The following KIAA1217 variants were observed in gnomAD, a reference collection of about 807,000 sequenced individuals.
The protein encoded by KIAA1217 is sickle tail protein homolog.
KIAA1217 carries 88 observed loss-of-function variants against 163.9 expected under a neutral mutation model. The ratio of observed to expected loss-of-function variants is 0.54; its 90% CI spans 0.45 to 0.64. The LOEUF (loss-of-function observed/expected upper bound fraction) is 0.64. Among genes scored for constraint, KIAA1217 ranks in the 30% least tolerant of loss-of-function variants. The probability of loss-of-function intolerance (pLI) is 0.00; values close to 1 mark genes in which losing one functional copy is unlikely to be tolerated. For synonymous variants in KIAA1217, 903 were observed against 923.1 expected, an observed-to-expected ratio of 0.98 and a Z score of 0.39; for missense variants, 2,372 against 2,475.0, an observed-to-expected ratio of 0.96 and a Z score of 0.88.
intron 1 of KIAA1217, among the ~76,000 whole-genome samples, chr10:24,216,631 A>G (rs575611191): frequency 2.6e-5 from 4 of 152,092 alleles, no homozygotes; most frequent in East Asian, 1.9e-4. Context: ...GTTCGAGACC[A>G]GCCTGGCCAA....
chr10:23,887,982 C>T (rs559150742), intron 1 of KIAA1217, among the ~76,000 whole-genome samples: 3 of 151,944 alleles, frequency 2.0e-5, no homozygotes, highest in Admixed American at 2.0e-4. Context: ...AATTTTGATA[C>T]ATTACTTAGG....
At chr10:23,760,224 C>T (rs997826560) in intron 1 of KIAA1217, among the ~76,000 whole-genome samples, 4 of 151,648 alleles carry the variant, frequency 2.6e-5, no homozygotes, top group African/African-American at 7.3e-5. Context: ...GTTTGCTCCT[C>T]ATGGATCGGG....
intron 2 of KIAA1217, among the ~76,000 whole-genome samples, chr10:24,328,069 T>G (rs1300749027): frequency 6.6e-6 from 1 of 152,170 alleles, no homozygotes; most frequent in Non-Finnish European, 1.5e-5. Flanking sequence ...GAAACTCTTA[T>G]GAAACACCAG....
intron 3 of KIAA1217, among the ~76,000 whole-genome samples, chr10:24,402,840 G>A (rs2056742975): frequency 6.6e-6 from 1 of 152,052 alleles, no homozygotes; most frequent in Admixed American, 6.5e-5. Flanking sequence ...ATCCTCTGAA[G>A]GAGATCCAGT....
intron 5 of KIAA1217, among the ~76,000 whole-genome samples, chr10:24,454,233 A>T (rs1183526204): frequency 6.6e-6 from 1 of 152,242 alleles, no homozygotes; most frequent in East Asian, 1.9e-4. Flanking sequence ...AGGTCTCTCC[A>T]GATAAAAGGT....
At chr10:24,048,968 T>G (rs1589297585) in intron 2 of KIAA1217, among the ~76,000 whole-genome samples, 1 of 145,080 alleles carries the variant, frequency 6.9e-6, no homozygotes, top group African/African-American at 2.6e-5. Context: ...GAGGCGGAGG[T>G]TGCAGTGAGC....
At chr10:24,129,924 G>A (rs2063592456) in intron 2 of KIAA1217, among the ~76,000 whole-genome samples, 1 of 151,966 alleles carries the variant, frequency 6.6e-6, no homozygotes, top group Non-Finnish European at 1.5e-5. Context: ...CATGATCATA[G>A]GCTGCATGTG....
At chr10:24,033,721 A>C (rs998539441) in intron 2 of KIAA1217, among the ~76,000 whole-genome samples, 1 of 151,646 alleles carries the variant, frequency 6.6e-6, no homozygotes, top group Non-Finnish European at 1.5e-5. Context: ...CTATGCATAC[A>C]TGGTTTTAAC....
intron 3 of KIAA1217, among the ~76,000 whole-genome samples, chr10:24,404,459 C>T (rs1022946531): frequency 1.2e-4 from 18 of 147,646 alleles, no homozygotes; most frequent in African/African-American, 3.8e-4. Flanking sequence ...CCCAGCTACT[C>T]GGGAGGCTGA....
chr10:24,545,572 G>C, intron 20 of KIAA1217: 1 of 1,360,368 alleles, frequency 7.4e-7, no homozygotes, highest in Non-Finnish European at 9.4e-7. Context: ...ACAGGAAATG[G>C]TAGAGCTGGA....
chr10:24,096,888 T>C (rs2131703407), intron 2 of KIAA1217, among the ~76,000 whole-genome samples: 1 of 152,356 alleles, frequency 6.6e-6, no homozygotes, highest in East Asian at 1.9e-4. Context: ...GCTTATTCAT[T>C]GCTTTCTAGA....
chr10:24,186,591 T>G (rs918470595), intron 2 of KIAA1217, among the ~76,000 whole-genome samples: 1 of 152,178 alleles, frequency 6.6e-6, no homozygotes, highest in Non-Finnish European at 1.5e-5. Flanking sequence ...GTATCTCCCA[T>G]CTATACATTT....
chr10:24,391,522 T>A (rs971998279), intron 3 of KIAA1217, among the ~76,000 whole-genome samples: 2 of 152,066 alleles, frequency 1.3e-5, no homozygotes, highest in African/African-American at 4.8e-5. Flanking sequence ...TTTTTGTATT[T>A]TTAATAAAGA....
At chr10:24,050,708 C>T (rs1849440680) in intron 2 of KIAA1217, among the ~76,000 whole-genome samples, 1 of 152,008 alleles carries the variant, frequency 6.6e-6, no homozygotes, top group African/African-American at 2.4e-5. Flanking sequence ...TTACTGTAGC[C>T]TTGTAGTATA....
intron 1 of KIAA1217, among the ~76,000 whole-genome samples, chr10:23,807,952 T>A (rs1836820091): frequency 6.6e-6 from 1 of 152,210 alleles, no homozygotes; most frequent in African/African-American, 2.4e-5. Context: ...TAGAAAGGGC[T>A]GCCTTGTCAA....
intron 1 of KIAA1217, among the ~76,000 whole-genome samples, chr10:23,917,456 G>A (rs1029203321): frequency 2.0e-5 from 3 of 152,216 alleles, no homozygotes; most frequent in Admixed American, 6.5e-5. Flanking sequence ...CTTGTGAAAA[G>A]AGGGCAGTGG....
chr10:24,506,697 A>T (rs1014047543), intron 9 of KIAA1217, among the ~76,000 whole-genome samples: 1 of 152,228 alleles, frequency 6.6e-6, no homozygotes, highest in South Asian at 2.1e-4. Flanking sequence ...AATGGGGGGA[A>T]AAAACCTACA....
intron 2 of KIAA1217, among the ~76,000 whole-genome samples, chr10:24,228,534 T>C (rs967912112): frequency 3.9e-5 from 6 of 152,168 alleles, no homozygotes; most frequent in Non-Finnish European, 8.8e-5. Flanking sequence ...GACTTAGGAA[T>C]TCTGGCTACT....
chr10:23,999,005 T>C (rs1300647399), intron 1 of KIAA1217, among the ~76,000 whole-genome samples: 1 of 152,070 alleles, frequency 6.6e-6, no homozygotes, highest in Admixed American at 6.6e-5. Flanking sequence ...ATCTCTATCA[T>C]TGGGATCGCT....
Sources: gnomAD v4.1 joint callset for allele counts (sites outside exome capture counted in the v4.1 genomes callset) on GRCh38, gnomAD v4.1.1 for gene constraint, MANE v1.5 for transcripts, NCBI Gene and HGNC (gene_info 2026-07-23, HGNC 2026-07-21) for gene names.